PDK2: variants seen among roughly 807,000 people sequenced by gnomAD.
PDK2 encodes the protein pyruvate dehydrogenase kinase 2.
Under a neutral mutation model 50.4 loss-of-function variants are expected in PDK2, and 34 were observed. The observed-to-expected ratio is 0.68, with a 90% CI of 0.51 to 0.90. PDK2 has a LOEUF of 0.90. Ranked by LOEUF, PDK2 falls within the 40% of genes least tolerant of loss-of-function variation. PDK2 has a pLI of 0.00. For missense variants in PDK2, 377 were observed against 544.5 expected (o/e 0.69, Z 3.06); for synonymous variants, 232 against 216.0 (o/e 1.07, Z -0.65).
chr17:50,110,270 G>A lies in PDK2; in HGVS notation c.*173G>A. 1.6e-6 allele frequency: 1 copy of A among 622,340 alleles called. No homozygotes were observed. Among genetic ancestry groups the A allele is most frequent in the Non-Finnish European group, 2.5e-6 (1 of 397,164 alleles). 38.6% of individuals were successfully genotyped at this position (622,340 alleles called of 1,614,324 possible). On this transcript the variant is annotated 3_prime_UTR_variant, in exon 11 of 11. Coordinates refer to ENST00000503176, the MANE Select transcript of PDK2 (RefSeq NM_002611.5). ...GGTCTGTGATGGTCCCTAAGTGCCA[G>A]TCCATCTCTGTGGAGACCCCTCGGT...
intron 2 of PDK2, chr17:50,102,062 C>CA (rs1456233076): frequency 6.6e-6 from 1 of 152,324 alleles, no homozygotes; most frequent in Non-Finnish European, 1.5e-5. Context: ...CTCTGGCCTG[C>CA]AAGGGGTGGG....
At position 50,108,179 on chromosome 17, in the gene PDK2, C is replaced by G. The variant is rs1910619083; in HGVS notation, c.709C>G (p.His237Asp). ...INAANSKQPI[H>D]MVYVPSHLYH... ...AGCAGCCAACTCCAAACAGCCGATTCACATGGTCTACGTCCCCTCCCACCT... is the reference window on the plus strand; with the variant it reads ...AGCAGCCAACTCCAAACAGCCGATTGACATGGTCTACGTCCCCTCCCACCT... The change falls in exon 7 of 11, where the codon CAC becomes GAC. Residue 237 changes from histidine (H) to aspartate (D), a missense_variant. Transcript: ENST00000503176. 1.3e-6 allele frequency: 2 copies of G among 1,596,928 alleles called. No homozygotes were observed. Among genetic ancestry groups the G allele is most frequent in the African/African-American group, 1.3e-5 (1 of 74,942 alleles).
chr17:50,098,739 G>A (rs964302824), intron 2 of PDK2: 1 of 152,194 alleles, frequency 6.6e-6, no homozygotes, highest in African/African-American at 2.4e-5. Context: ...ATGAGATATG[G>A]TGAGGGGCAG....
chr17:50,096,144 C>G, intron 1 of PDK2: 1 of 985,624 alleles, frequency 1.0e-6, no homozygotes, highest in Non-Finnish European at 1.2e-6. Flanking sequence ...GGAGCTGGAC[C>G]CTAGCTGCCC....
At chr17:50,107,940 A>G in intron 6 of PDK2, 1 of 578,908 alleles carries the variant, frequency 1.7e-6, no homozygotes. Context: ...AGCCTGGAGG[A>G]AGGGAACAAG....
chr17:50,097,773 T>C lies in PDK2; in HGVS notation c.260+209T>C, dbSNP rs145928567. 375 of 545,466 alleles carry C rather than the reference T, an allele frequency of 6.9e-4. 2 individuals carry two copies. The highest frequency in any genetic ancestry group is 5.2e-4 in the Non-Finnish European group (160 of 306,520). 33.8% of individuals were successfully genotyped at this position (545,466 alleles called of 1,614,324 possible). On this transcript the variant is annotated intron_variant, in intron 2 of 10. Coordinates refer to ENST00000503176, the MANE Select transcript of PDK2 (RefSeq NM_002611.5). ...AGGTCAAGCTCCTAGTCTCTGTGTC[T>C]AGCCCTCTTCTTACCACCCACCTTT...
At chr17:50,097,812 G>T (rs980221720) in intron 2 of PDK2, 8 of 448,574 alleles carry the variant, frequency 1.8e-5, no homozygotes, top group East Asian at 3.7e-5. Flanking sequence ...TGGAAACACA[G>T]GATCCACCTA....
At position 50,095,401 on chromosome 17, in the gene PDK2, C is replaced by G. The variant is rs1241915274; in HGVS notation, c.-35C>G. 4 of 1,488,270 alleles carry G rather than the reference C, an allele frequency of 2.7e-6. No individual in the cohort carries two copies. The South Asian group carries it at 3.5e-5, about 13-fold the overall frequency. The allele number at this position is 1,488,270 out of a possible 1,614,324, so 92.2% of individuals were successfully genotyped here. On this transcript the variant is annotated 5_prime_UTR_variant, in exon 1 of 11. Coordinates refer to ENST00000503176, the MANE Select transcript of PDK2 (RefSeq NM_002611.5). ...GAAAGGTGCGCGAGCGCTGCCCGCGCGGGGACCACAACCAAAGTCGCGGCC... is the reference window on the plus strand; with the variant it reads ...GAAAGGTGCGCGAGCGCTGCCCGCGGGGGGACCACAACCAAAGTCGCGGCC...
rs981982738 is a variant in PDK2, at chr17:50,111,972, C to T, written c.*1875C>T. The T allele has an allele frequency of 6.6e-6, 1 of 152,334 alleles. No individual in the cohort carries two copies. Among genetic ancestry groups the T allele is most frequent in the African/African-American group, 2.4e-5 (1 of 41,414 alleles). 9.4% of individuals were successfully genotyped at this position (152,334 alleles called of 1,614,324 possible). ...TGCCGGGGACCCCCAGGTTTTGCCT[C>T]TCTGCCTGGCTGGGGTGAGGGCTGA... On this transcript the variant is annotated 3_prime_UTR_variant, in exon 11 of 11. Transcript: ENST00000503176.
Position 50,109,834 on chromosome 17 carries a change from T to G in PDK2, c.1084-123T>G. ...AGCGGGACACAGGAGGGACCACCCTTTTGTGGTCTTTCCAGGCCCCCGTGT... is the reference window on the plus strand; with the variant it reads ...AGCGGGACACAGGAGGGACCACCCTGTTGTGGTCTTTCCAGGCCCCCGTGT... On this transcript the variant is annotated intron_variant, in intron 10 of 10. Coordinates refer to ENST00000503176, the MANE Select transcript of PDK2 (RefSeq NM_002611.5). This position sits in a 1 kb window ranked among gnomAD's most constrained non-coding sequence, Gnocchi z 5.0. The G allele has an allele frequency of 6.5e-6, 7 of 1,074,590 alleles. No individual in the cohort carries two copies. Among genetic ancestry groups the G allele is most frequent in the Non-Finnish European group, 9.1e-6 (7 of 773,052 alleles). 66.6% of individuals were successfully genotyped at this position (1,074,590 alleles called of 1,614,324 possible).
chr17:50,108,836 C>A, intron 9 of PDK2, 117 bp downstream of exon 9: 1 of 676,942 alleles, frequency 1.5e-6, no homozygotes, highest in South Asian at 1.8e-5. Flanking sequence ...AGTCACCTGT[C>A]TTGAATCTGG....
rs764443367 is a variant in PDK2, at chr17:50,109,247, C to T, written c.970-40C>T. 16 of 1,359,252 alleles carry T rather than the reference C, an allele frequency of 1.2e-5. No individual in the cohort carries two copies. Among genetic ancestry groups the T allele is most frequent in the Non-Finnish European group, 1.7e-5 (16 of 956,364 alleles). The allele number at this position is 1,359,252 out of a possible 1,614,324, so 84.2% of individuals were successfully genotyped here. ...TCCCTGCAGCTCCAGGAGGCCCCTG[C>T]CAGCCTCCTCATCCTCACTGCCTTC... is the stretch of plus-strand genomic sequence containing the variant. On this transcript the variant is annotated intron_variant, in intron 9 of 10. Transcript: ENST00000503176. This position sits in a 1 kb window ranked among gnomAD's most constrained non-coding sequence, Gnocchi z 5.0.
intron 2 of PDK2, among the ~76,000 whole-genome samples, chr17:50,104,758 C>G (rs765090790): frequency 3.9e-5 from 6 of 152,332 alleles, no homozygotes; most frequent in East Asian, 3.9e-4. Flanking sequence ...GCCCACCCCA[C>G]CTTTGGGTCC....
At chr17:50,105,784 G>A in intron 3 of PDK2, 101 bp from the exon 4 acceptor site, 1 of 1,460,246 alleles carries the variant, frequency 6.8e-7, no homozygotes, top group African/African-American at 1.4e-5. Flanking sequence ...GAGTCCATCG[G>A]ATTGGGAAGG....
At chr17:50,106,111 G>T (rs561214478) in intron 4 of PDK2, 42 bp downstream of exon 4, 4 of 1,556,330 alleles carry the variant, frequency 2.6e-6, no homozygotes, top group South Asian at 1.2e-5. Flanking sequence ...CGGTGGGGGG[G>T]GCGGTGCTGG....
rs1567711946 is a variant in PDK2 at position 50,101,246 on chromosome 17, C to CA, written c.260+3682_260+3683insA. Among the ~76,000 whole-genome samples, 12 of 152,146 alleles carry CA rather than the reference C, an allele frequency of 7.9e-5. No homozygotes were observed. Among genetic ancestry groups the CA allele is most frequent in the East Asian group, 5.8e-4 (3 of 5,198 alleles). On this transcript the variant is annotated intron_variant, in intron 2 of 10. Coordinates refer to ENST00000503176, the MANE Select transcript of PDK2 (RefSeq NM_002611.5). The surrounding 1 kb of genome is among the most constrained non-coding windows in gnomAD (Gnocchi z 4.2). ...GTGCCCAGGACCTGCTAAAGCCACA[C>CA]GAGCTCTCCAAACCCGTCAGCCGCT... is the stretch of plus-strand genomic sequence containing the variant.
In PDK2 at chr17:50,106,962, G is replaced by A. The variant is rs1910551029; in HGVS notation, c.607+79G>A. On this transcript the variant is annotated intron_variant, in intron 5 of 10. Transcript: ENST00000503176. ...AGCTTACCTGGCCAGAGGGTGACTC[G>A]TTCCTCAGTAAGGGGTGCCATGGAT... The A allele has an allele frequency of 8.8e-6, 13 of 1,477,556 alleles. No individual in the cohort carries two copies. The South Asian group carries it at 9.1e-5, about 10-fold the overall frequency. 91.5% of individuals were successfully genotyped at this position (1,477,556 alleles called of 1,614,324 possible).
chr17:50,109,331 G>A lies in PDK2; in HGVS notation c.1014G>A (p.Lys338=), dbSNP rs1281532982. ...YGLPISRLYA[K]YFQGDLQLFS... ...TCCCCATTTCCCGCCTCTACGCCAA[G>A]TACTTCCAGGGAGACCTGCAGCTCT... Residue 338 remains lysine (K), a synonymous_variant, in exon 10 of 11, where the codon AAG becomes AAA. Transcript: ENST00000503176. This position sits in a 1 kb window ranked among gnomAD's most constrained non-coding sequence, Gnocchi z 5.0. 6.2e-7 allele frequency: 1 copy of A among 1,613,796 alleles called. No homozygotes were observed. The highest frequency in any genetic ancestry group is 8.5e-7 in the Non-Finnish European group (1 of 1,179,940).
In PDK2 at chr17:50,096,371, T is replaced by C. The variant is rs1442878469; in HGVS notation, c.118+818T>C. On this transcript the variant is annotated intron_variant, in intron 1 of 10. Transcript: ENST00000503176. The stretch of plus-strand genomic sequence containing the variant: ...CCAACGTGGCAGCTGAAATGGGCAT[T>C]GTGTGGGCCCTGTCTGTCTATGTGG... 6.0e-6 allele frequency: 5 copies of C among 830,796 alleles called. No homozygotes were observed. The African/African-American group carries it at 9.2e-5, about 15-fold the overall frequency. The allele number at this position is 830,796 out of a possible 1,614,324, so 51.5% of individuals were successfully genotyped here. A position where few individuals can be genotyped will look rare whatever the true frequency, so the allele number is the denominator to read the frequency against.
Sources: gnomAD v4.1 joint callset for allele counts (sites outside exome capture counted in the v4.1 genomes callset) on GRCh38, gnomAD v4.1.1 for gene constraint, Gnocchi (gnomAD v3.1) non-coding constraint, MANE v1.5 for transcripts, NCBI Gene and HGNC (gene_info 2026-07-23, HGNC 2026-07-21) for gene names.